The following RPS6KA2 variants were observed in gnomAD, a reference collection of about 807,000 sequenced individuals.
The protein encoded by RPS6KA2 is ribosomal protein S6 kinase A2.
RPS6KA2 carries 42 observed loss-of-function variants against 91.8 expected under a neutral mutation model. The ratio of observed to expected loss-of-function variants is 0.46; its 90% CI spans 0.36 to 0.59. RPS6KA2 has a LOEUF of 0.59. Ranked by LOEUF, RPS6KA2 falls within the 20% of genes least tolerant of loss-of-function variation. The pLI, the probability that RPS6KA2 is intolerant of heterozygous loss-of-function variation, is 0.00. For synonymous variants in RPS6KA2, 414 were observed against 393.6 expected (o/e 1.05, Z -0.61); for missense variants, 798 against 978.5 (o/e 0.82, Z 2.46).
At chr6:166,475,496 C>G (rs1409434727) in intron 10 of RPS6KA2, among the ~76,000 whole-genome samples, 1 of 152,200 alleles carries the variant, frequency 6.6e-6, no homozygotes, top group Non-Finnish European at 1.5e-5. Flanking sequence ...GCCCCTCCCC[C>G]CACACCCCGT....
upstream of RPS6KA2, among the ~76,000 whole-genome samples, chr6:166,629,335 A>G (rs767503017): frequency 6.6e-6 from 1 of 152,264 alleles, no homozygotes; most frequent in Non-Finnish European, 1.5e-5. Context: ...CAACAATAGT[A>G]TTTTGACCTG....
chr6:166,678,742 C>T (rs538400589), intron 2 of RPS6KA2, among the ~76,000 whole-genome samples: 5 of 152,292 alleles, frequency 3.3e-5, no homozygotes, highest in South Asian at 2.1e-4. Flanking sequence ...TGGCAAGCGA[C>T]AAAGAAAGGG....
chr6:166,816,080 TTCA>T (rs1316515774), intron 2 of RPS6KA2, among the ~76,000 whole-genome samples: 1 of 152,160 alleles, frequency 6.6e-6, no homozygotes, highest in Non-Finnish European at 1.5e-5. Context: ...TTAAAACACT[TTCA>T]TCAAGATTCT....
At chr6:166,605,341 G>A (rs1327674975) in intron 1 of RPS6KA2, among the ~76,000 whole-genome samples, 1 of 152,010 alleles carries the variant, frequency 6.6e-6, no homozygotes. Context: ...ATTAGATTAC[G>A]AGCTCCTTAA....
chr6:166,493,636 T>G lies in RPS6KA2; in HGVS notation c.748-2895A>C, dbSNP rs373700880. Among the ~76,000 whole-genome samples the G allele has an allele frequency of 6.6e-6, 1 of 150,972 alleles. No homozygotes were observed. The highest frequency in any genetic ancestry group is 2.0e-4 in the East Asian group (1 of 5,080). ...ACAGGCACAGAGGGGCTCAAGGAGA[T>G]GTAGCCAAAGCTCCACCGGGTGCAG... On this transcript the variant is annotated intron_variant, in intron 8 of 20. Coordinates refer to ENST00000265678, the MANE Select transcript of RPS6KA2 (RefSeq NM_021135.6). This position sits in a 1 kb window ranked among gnomAD's most constrained non-coding sequence, Gnocchi z 4.7.
chr6:166,776,050 C>G (rs540512621), intron 2 of RPS6KA2, among the ~76,000 whole-genome samples: 3 of 152,290 alleles, frequency 2.0e-5, no homozygotes, highest in African/African-American at 7.2e-5. Flanking sequence ...TCTCCCCAGC[C>G]ACAGCGGTGC....
At chr6:166,482,254 T>A (rs748129009) in intron 10 of RPS6KA2, among the ~76,000 whole-genome samples, 2 of 152,264 alleles carry the variant, frequency 1.3e-5, no homozygotes, top group African/African-American at 4.8e-5. Context: ...TTTGTTTTGG[T>A]GCAGGCACAC....
chr6:166,482,628 C>T (rs1289430865), intron 10 of RPS6KA2, among the ~76,000 whole-genome samples: 2 of 152,182 alleles, frequency 1.3e-5, no homozygotes, highest in African/African-American at 4.8e-5. Context: ...CAGAAGGCTT[C>T]GGGCGATGAT....
intron 2 of RPS6KA2, among the ~76,000 whole-genome samples, chr6:166,657,657 T>C (rs1788042166): frequency 6.6e-6 from 1 of 152,094 alleles, no homozygotes; most frequent in Non-Finnish European, 1.5e-5. Flanking sequence ...CATCTGGGCC[T>C]TGTGGTTTCT....
At chr6:166,669,100 C>T (rs928165378) in intron 2 of RPS6KA2, among the ~76,000 whole-genome samples, 2 of 151,956 alleles carry the variant, frequency 1.3e-5, no homozygotes, top group African/African-American at 4.8e-5. Context: ...CACCATGTTG[C>T]CCAGGCTGGT....
chr6:166,710,109 CT>C (rs1248639382), intron 2 of RPS6KA2, among the ~76,000 whole-genome samples: 1 of 152,154 alleles, frequency 6.6e-6, no homozygotes, highest in Non-Finnish European at 1.5e-5. Context: ...TCTTTTTTCC[CT>C]ATCCTTACAA....
At chr6:166,530,121 G>T (rs1783214051) in intron 3 of RPS6KA2, among the ~76,000 whole-genome samples, 1 of 152,196 alleles carries the variant, frequency 6.6e-6, no homozygotes. Context: ...TGATATATTT[G>T]TACTGCTCCC....
In RPS6KA2 at chr6:166,418,473, A is replaced by G. The variant is rs1318175535; in HGVS notation, c.1821-131T>C. The G allele has an allele frequency of 2.8e-6, 2 of 719,934 alleles. No homozygotes were observed. The highest frequency in any genetic ancestry group is 4.9e-6 in the Non-Finnish European group (2 of 408,282). The allele number at this position is 719,934 out of a possible 1,614,324, so 44.6% of individuals were successfully genotyped here. On this transcript the variant is annotated intron_variant, in intron 18 of 20. Transcript: ENST00000265678. This position sits in a 1 kb window ranked among gnomAD's most constrained non-coding sequence, Gnocchi z 4.9. ...CTTCTCCCTCCTCTGCTCTGAAGCC[A>G]GGATTCATGGGAAAGCGGAACTTAC... is the stretch of plus-strand genomic sequence containing the variant.
chr6:166,596,178 T>C (rs1306354351), intron 1 of RPS6KA2, among the ~76,000 whole-genome samples: 1 of 152,208 alleles, frequency 6.6e-6, no homozygotes, highest in Non-Finnish European at 1.5e-5. Context: ...ATGGGGAAGA[T>C]AGGCGGTAAG....
intron 10 of RPS6KA2, among the ~76,000 whole-genome samples, chr6:166,478,115 A>G (rs1283035632): frequency 6.6e-6 from 1 of 152,204 alleles, no homozygotes; most frequent in African/African-American, 2.4e-5. Flanking sequence ...ATGTGGCCCC[A>G]CAGGTGGTGA....
intron 2 of RPS6KA2, among the ~76,000 whole-genome samples, chr6:166,718,569 C>T (rs1054587968): frequency 2.0e-5 from 3 of 152,152 alleles, no homozygotes; most frequent in Admixed American, 2.0e-4. Flanking sequence ...TCTGAAAATA[C>T]AAGACACGAG....
chr6:166,454,626 A>G (rs1246149547), intron 12 of RPS6KA2, among the ~76,000 whole-genome samples: 1 of 152,198 alleles, frequency 6.6e-6, no homozygotes, highest in Non-Finnish European at 1.5e-5. Context: ...ACTCCTCACT[A>G]AGACAATCAT....
intron 2 of RPS6KA2, among the ~76,000 whole-genome samples, chr6:166,712,298 G>A (rs982501707): frequency 1.3e-5 from 2 of 152,210 alleles, no homozygotes; most frequent in Non-Finnish European, 2.9e-5. Flanking sequence ...GCCAGCAGCA[G>A]GCAGAAGGAG....
chr6:166,653,792 G>A (rs948328375), intron 2 of RPS6KA2, among the ~76,000 whole-genome samples: 11 of 152,310 alleles, frequency 7.2e-5, no homozygotes, highest in African/African-American at 2.6e-4. Context: ...ACACACAAGA[G>A]AAATATCGGA....
Sources: allele counts gnomAD v4.1 joint callset (sites outside exome capture counted in the v4.1 genomes callset), GRCh38; gene constraint gnomAD v4.1.1; non-coding constraint Gnocchi (gnomAD v3.1); transcripts MANE v1.5; gene names NCBI Gene and HGNC (gene_info 2026-07-23, HGNC 2026-07-21).